Variants in FAM20C observed in about 807,000 individuals in gnomAD.
The protein encoded by FAM20C is FAM20C golgi associated secretory pathway kinase.
Under a neutral mutation model 51.5 loss-of-function variants are expected in FAM20C, and 40 were observed. The observed-to-expected ratio is 0.78, with a 90% CI of 0.60 to 1.01. The LOEUF (loss-of-function observed/expected upper bound fraction) is 1.01, where lower values mean the gene tolerates loss of function less well. FAM20C is among the 50% of genes least tolerant of loss of function. The pLI, the probability that FAM20C is intolerant of heterozygous loss-of-function variation, is 0.00. For missense variants in FAM20C, 861 were observed against 844.7 expected (o/e 1.02, Z -0.24); for synonymous variants, 406 against 380.6 (o/e 1.07, Z -0.78).
chr7:243,933 A>AT (rs1483730910), intron 3 of FAM20C, among the ~76,000 whole-genome samples: 20 of 126,708 alleles, frequency 1.6e-4, no homozygotes, highest in African/African-American at 3.6e-4. Context: ...AATAATAATA[A>AT]TAATAATAAT....
At chr7:201,198 C>G (rs536441777) in intron 2 of FAM20C, among the ~76,000 whole-genome samples, 29 of 152,222 alleles carry the variant, frequency 1.9e-4, no homozygotes, top group Non-Finnish European at 4.0e-4. Context: ...TGAGGCCAGA[C>G]AGTGGCTGTG....
chr7:195,832 TG>T, intron 2 of FAM20C, 100 bp downstream of exon 2: 1 of 1,202,712 alleles, frequency 8.3e-7, no homozygotes, highest in Non-Finnish European at 1.1e-6. Flanking sequence ...GGGAGGCCGT[TG>T]CTCATTACGG....
chr7:259,806 G>A lies in FAM20C; in HGVS notation c.1581G>A (p.Glu527=), dbSNP rs771682200. 2.0e-6 allele frequency: 3 copies of A among 1,536,602 alleles called. No homozygotes were observed. The South Asian group carries it at 3.6e-5, about 18-fold the overall frequency. The change falls in exon 10 of 10, where the codon GAG becomes GAA. Residue 527 remains glutamate (E), a synonymous_variant. Transcript: ENST00000313766. Reference sequence around the variant, plus strand: ...ACAAGCTGAGCCTGCTGATGGCCGAGTCTCTGCGGGGGGACCAGGTGGCAC... The same window carrying A: ...ACAAGCTGAGCCTGCTGATGGCCGAATCTCTGCGGGGGGACCAGGTGGCAC... The part of the protein sequence containing the change: ...EEYKLSLLMA[E]SLRGDQVAPV...
chr7:193,598 C>T lies in FAM20C; in HGVS notation c.399C>T (p.Asp133=). 2 of 1,536,810 alleles carry T rather than the reference C, an allele frequency of 1.3e-6. No homozygotes were observed. The highest frequency in any genetic ancestry group is 1.8e-6 in the Non-Finnish European group (2 of 1,141,636). ...ATCCCGGCGCCCTAAGACCCCACGACCCCGCGCACCGGCCGCTGCTGCGAG... is the reference window on the plus strand; with the variant it reads ...ATCCCGGCGCCCTAAGACCCCACGATCCCGCGCACCGGCCGCTGCTGCGAG... ...GRDPGALRPH[D]PAHRPLLRDP... The change falls in exon 1 of 10, where the codon GAC becomes GAT. Residue 133 remains aspartate, a synonymous_variant. Transcript: ENST00000313766.
At chr7:257,289 T>C in intron 8 of FAM20C, 1 of 590,046 alleles carries the variant, frequency 1.7e-6, no homozygotes, top group Non-Finnish European at 3.0e-6. Flanking sequence ...GAGTGGGACC[T>C]CCGAGGCACA....
At chr7:208,399 G>GTGT (rs1554249347) in intron 2 of FAM20C, among the ~76,000 whole-genome samples, 1 of 150,064 alleles carries the variant, frequency 6.7e-6, no homozygotes. Context: ...ACATGACTGT[G>GTGT]GGGTGTGTGC....
In FAM20C at chr7:258,878, C is replaced by A. The variant is rs74191879; in HGVS notation, c.1505+173C>A. On this transcript the variant is annotated intron_variant, in intron 9 of 9. Transcript: ENST00000313766. ...ACACCCTCACTCGGCGGCCTGGAGGCGCAGACCTCACCCGCCCACCACCCC... is the reference window on the plus strand; with the variant it reads ...ACACCCTCACTCGGCGGCCTGGAGGAGCAGACCTCACCCGCCCACCACCCC... Among the ~76,000 whole-genome samples the A allele has an allele frequency of 0.28, 42,985 of 151,840 alleles. 7,194 individuals carry two copies. The highest frequency in any genetic ancestry group is 0.38 in the Non-Finnish European group (25,718 of 67,870).
At chr7:196,871 AAC>A (rs145820389) in intron 2 of FAM20C, among the ~76,000 whole-genome samples, 2,949 of 152,214 alleles carry the variant, frequency 0.019, 72 homozygotes, top group African/African-American at 0.058. Context: ...CTCACCTCAT[AAC>A]AGAGATCAGC....
At chr7:236,371 C>T (rs1446434768) in intron 3 of FAM20C, among the ~76,000 whole-genome samples, 1 of 152,232 alleles carries the variant, frequency 6.6e-6, no homozygotes, top group East Asian at 1.9e-4. Flanking sequence ...TTGAGGTGTC[C>T]GTTGCAGCCC....
chr7:207,650 G>A (rs557428656), intron 2 of FAM20C, among the ~76,000 whole-genome samples: 146 of 152,272 alleles, frequency 9.6e-4, no homozygotes, highest in African/African-American at 3.2e-3. Context: ...GCTCTTGTTC[G>A]GGCCCGTGAT....
intron 3 of FAM20C, among the ~76,000 whole-genome samples, chr7:242,261 G>A (rs923197050): frequency 6.6e-6 from 1 of 152,218 alleles, no homozygotes; most frequent in African/African-American, 2.4e-5. Context: ...GGCTGGCGAG[G>A]GTCAGTGGCA....
chr7:201,783 T>C (rs902947255), intron 2 of FAM20C, among the ~76,000 whole-genome samples: 3 of 152,170 alleles, frequency 2.0e-5, no homozygotes, highest in Non-Finnish European at 4.4e-5. Context: ...CTCTGTCTCG[T>C]GCTGTGACCC....
chr7:231,795 G>A (rs1787700686), intron 3 of FAM20C, among the ~76,000 whole-genome samples: 1 of 152,180 alleles, frequency 6.6e-6, no homozygotes, highest in Admixed American at 6.5e-5. Context: ...CTGTCTGGCA[G>A]GGTTTGGGAG....
chr7:251,532 G>C (rs1212332481), intron 5 of FAM20C, among the ~76,000 whole-genome samples: 2 of 149,532 alleles, frequency 1.3e-5, no homozygotes, highest in African/African-American at 2.5e-5. Context: ...AAAAAAAAAA[G>C]ACTGAGTTGA....
intron 3 of FAM20C, among the ~76,000 whole-genome samples, chr7:210,024 A>T (rs1192840194): frequency 6.6e-6 from 1 of 151,920 alleles, no homozygotes; most frequent in Non-Finnish European, 1.5e-5. Flanking sequence ...GAGCCGGTGG[A>T]TGAGTCACAG....
At position 193,007 on chromosome 7, in the gene FAM20C, G is replaced by C; in HGVS notation, c.-193G>C. On this transcript the variant is annotated 5_prime_UTR_variant, in exon 1 of 10. Coordinates refer to ENST00000313766, the MANE Select transcript of FAM20C (RefSeq NM_020223.4). ...AGAGGCCGAGCGGGGACGGGCCCGA[G>C]ATGGCGCGGGGACCCAGCGCTCCGG... 4.1e-6 allele frequency: 1 copy of C among 245,268 alleles called. No individual in the cohort carries two copies. Among genetic ancestry groups the C allele is most frequent in the Admixed American group, 5.9e-5 (1 of 16,962 alleles). 15.2% of individuals were successfully genotyped at this position (245,268 alleles called of 1,614,324 possible). A position where few individuals can be genotyped will look rare whatever the true frequency, so the allele number is the denominator to read the frequency against.
At chr7:223,240 C>T (rs966758051) in intron 3 of FAM20C, among the ~76,000 whole-genome samples, 4 of 152,246 alleles carry the variant, frequency 2.6e-5, no homozygotes, top group Non-Finnish European at 5.9e-5. Context: ...TACAGCTGTC[C>T]CAGCCTCACA....
chr7:257,870 GGCTGGGTGGACCCACTGCC>G (rs1788665575), intron 8 of FAM20C, among the ~76,000 whole-genome samples: 10 of 79,406 alleles, frequency 1.3e-4, no homozygotes, highest in African/African-American at 3.1e-4. Context: ...CTGGAGATGG[GGCTGGGTGGACCCACTGCC>G]CAGGATGCTG....
intron 3 of FAM20C, among the ~76,000 whole-genome samples, chr7:245,130 G>A (rs1056608402): frequency 3.3e-5 from 5 of 152,226 alleles, no homozygotes; most frequent in Non-Finnish European, 7.3e-5. Flanking sequence ...GCGGACCTCC[G>A]CTGCGTATAT....
Sources: allele counts gnomAD v4.1 joint callset (sites outside exome capture counted in the v4.1 genomes callset), GRCh38; gene constraint gnomAD v4.1.1; transcripts MANE v1.5; gene names NCBI Gene and HGNC (gene_info 2026-07-23, HGNC 2026-07-21).